ANK3: variants seen among roughly 807,000 people sequenced by gnomAD.
The protein encoded by ANK3 is ankyrin-3.
Under a neutral mutation model 370.9 loss-of-function variants are expected in ANK3, and 57 were observed. The observed-to-expected ratio is 0.15, with a 90% CI of 0.12 to 0.19. The LOEUF (loss-of-function observed/expected upper bound fraction) is 0.19. Among genes scored for constraint, ANK3 ranks in the 10% least tolerant of loss-of-function variants. The probability of loss-of-function intolerance (pLI) is 1.00; values close to 1 mark genes in which losing one functional copy is unlikely to be tolerated. For missense variants in ANK3, 4,439 were observed against 5,302.1 expected, an observed-to-expected ratio of 0.84 and a Z score of 5.06; for synonymous variants, 1,929 against 1,946.3, an observed-to-expected ratio of 0.99 and a Z score of 0.23.
At chr10:60,215,585 G>A (rs184135511) in intron 8 of ANK3, among the ~76,000 whole-genome samples, 81 of 152,082 alleles carry the variant, frequency 5.3e-4, no homozygotes, top group African/African-American at 1.6e-3. Flanking sequence ...ATGTCTAGCC[G>A]GTTTTCCCAG....
chr10:60,086,092 TA>T (rs1181082061), intron 30 of ANK3, among the ~76,000 whole-genome samples: 3 of 152,230 alleles, frequency 2.0e-5, no homozygotes, highest in African/African-American at 7.2e-5. Context: ...GAATTGCAGT[TA>T]AAAATCGGAC....
chr10:60,638,905 A>G (rs1017123122), intron 1 of ANK3, among the ~76,000 whole-genome samples: 1 of 150,188 alleles, frequency 6.7e-6, no homozygotes, highest in Admixed American at 6.7e-5. Context: ...AATATCAAGC[A>G]GTCTAACATG....
intron 2 of ANK3, among the ~76,000 whole-genome samples, chr10:60,561,418 CAAG>C (rs1288430174): frequency 6.6e-6 from 1 of 152,230 alleles, no homozygotes; most frequent in Non-Finnish European, 1.5e-5. Flanking sequence ...TGGTTTCCTG[CAAG>C]AAGTTTTAAA....
At chr10:60,207,103 G>A (rs754038607) in intron 10 of ANK3, among the ~76,000 whole-genome samples, 3 of 152,126 alleles carry the variant, frequency 2.0e-5, no homozygotes, top group Non-Finnish European at 4.4e-5. Context: ...AGACTGGGTG[G>A]GTCAACAGAC....
At chr10:60,212,269 G>A (rs535228813) in intron 9 of ANK3, among the ~76,000 whole-genome samples, 91 of 152,210 alleles carry the variant, frequency 6.0e-4, no homozygotes, top group African/African-American at 2.1e-3. Flanking sequence ...TTTTAAGCAG[G>A]AGGCTGACAT....
chr10:60,160,420 C>T (rs909717971), intron 23 of ANK3, among the ~76,000 whole-genome samples: 1 of 151,976 alleles, frequency 6.6e-6, no homozygotes, highest in Non-Finnish European at 1.5e-5. Flanking sequence ...TAAAAAGTCA[C>T]CCATTAAAGA....
intron 1 of ANK3, among the ~76,000 whole-genome samples, chr10:60,622,214 G>C (rs1212068344): frequency 1.3e-5 from 2 of 151,586 alleles, no homozygotes; most frequent in Admixed American, 6.6e-5. Context: ...TAAGTTTGTA[G>C]GTAGGTTAAC....
intron 1 of ANK3, among the ~76,000 whole-genome samples, chr10:60,283,713 C>A (rs546492978): frequency 6.6e-6 from 1 of 152,028 alleles, no homozygotes; most frequent in Admixed American, 6.6e-5. Flanking sequence ...AATCTAGTAA[C>A]TCAGCATCTT....
At chr10:60,404,229 AT>A (rs1176743409) in intron 2 of ANK3, among the ~76,000 whole-genome samples, 2 of 152,178 alleles carry the variant, frequency 1.3e-5, no homozygotes, top group African/African-American at 4.8e-5. Flanking sequence ...TTTTAAAAAA[AT>A]AGACAAACTT....
At chr10:60,087,282 C>T (rs11596260) in intron 29 of ANK3, among the ~76,000 whole-genome samples, 46,598 of 151,998 alleles carry the variant, frequency 0.31, 7,503 homozygotes, top group Non-Finnish European at 0.37. Flanking sequence ...ACATAAAAAC[C>T]GAGGCTTTCA....
At chr10:60,123,358 T>C (rs2093600457) in intron 25 of ANK3, among the ~76,000 whole-genome samples, 1 of 152,118 alleles carries the variant, frequency 6.6e-6, no homozygotes, top group Non-Finnish European at 1.5e-5. Context: ...TTTCCAAAAA[T>C]AGTTTCTCAC....
At chr10:60,201,581 C>A (rs1565640963) in intron 12 of ANK3, among the ~76,000 whole-genome samples, 2 of 152,140 alleles carry the variant, frequency 1.3e-5, no homozygotes. Context: ...ATGGTTCCTA[C>A]AGAGCAATGT....
chr10:60,294,541 T>A (rs995905184), intron 1 of ANK3, among the ~76,000 whole-genome samples: 3 of 152,182 alleles, frequency 2.0e-5, no homozygotes, highest in African/African-American at 4.8e-5. Context: ...GCTGATTTTT[T>A]AAAAAACAAA....
Position 60,200,246 on chromosome 10 carries a change from A to AG in ANK3, c.1393-20dup. On this transcript the variant is annotated intron_variant, in intron 12 of 43. Coordinates refer to ENST00000280772, the MANE Select transcript of ANK3 (RefSeq NM_020987.5). ...CTCCTCTCTGGGGAACATGAGCCAAAGTAAATTAGCTGCAGCTCTGAAGAA... is the reference window on the plus strand; with the variant it reads ...CTCCTCTCTGGGGAACATGAGCCAAAGGTAAATTAGCTGCAGCTCTGAAGAA... 4 of 1,592,396 alleles carry AG rather than the reference A, an allele frequency of 2.5e-6. No individual in the cohort carries two copies. Among genetic ancestry groups the AG allele is most frequent in the Non-Finnish European group, 3.4e-6 (4 of 1,160,236 alleles).
At chr10:60,644,842 AG>A (rs67786458) in intron 1 of ANK3, among the ~76,000 whole-genome samples, 12 of 148,744 alleles carry the variant, frequency 8.1e-5, no homozygotes, top group East Asian at 3.9e-4. Context: ...TTTAGTTAAA[AG>A]AAAAAAAAAG....
intron 1 of ANK3, among the ~76,000 whole-genome samples, chr10:60,698,168 C>A (rs1256018752): frequency 1.3e-5 from 2 of 151,580 alleles, no homozygotes; most frequent in African/African-American, 2.4e-5. Context: ...CCATCAGTGG[C>A]CATCAGAGAA....
At position 60,072,787 on chromosome 10, in the gene ANK3, G is replaced by C; in HGVS notation, c.8094C>G (p.Ser2698Arg). The C allele has an allele frequency of 6.2e-7, 1 of 1,614,130 alleles. No individual in the cohort carries two copies. Among genetic ancestry groups the C allele is most frequent in the Non-Finnish European group, 8.5e-7 (1 of 1,180,010 alleles). The change falls in exon 37 of 44, where the codon AGC becomes AGG. Residue 2698 changes from serine to arginine, a missense_variant. Around this residue, in one of 13 missense-constraint regions of ANK3, gnomAD observed 1,601 missense variants for 1,731.7 expected, o/e 0.92. Coordinates refer to ENST00000280772, the MANE Select transcript of ANK3 (RefSeq NM_020987.5). ...TVEAKGSISQ[S>R]KAPDGPQSGF... Reference sequence around the variant, plus strand: ...CAGACTGGGGCCCATCTGGTGCTTTGCTCTGTGAAATACTTCCTTTGGCTT... The same window carrying C: ...CAGACTGGGGCCCATCTGGTGCTTTCCTCTGTGAAATACTTCCTTTGGCTT...
intron 25 of ANK3, among the ~76,000 whole-genome samples, chr10:60,118,666 G>A (rs1247381003): frequency 2.2e-5 from 3 of 138,268 alleles, no homozygotes; most frequent in Non-Finnish European, 3.1e-5. Context: ...AATTTTTTTG[G>A]CATGAGTGGA....
chr10:60,364,001 A>G (rs1378330377), intron 1 of ANK3, among the ~76,000 whole-genome samples: 2 of 146,156 alleles, frequency 1.4e-5, no homozygotes, highest in Non-Finnish European at 3.0e-5. Flanking sequence ...TTTTAACTTT[A>G]AGAGAAAACA....
Sources: allele counts gnomAD v4.1 joint callset (sites outside exome capture counted in the v4.1 genomes callset), GRCh38; gene constraint gnomAD v4.1.1; regional missense constraint gnomAD v4.1.1; transcripts MANE v1.5; gene names NCBI Gene and HGNC (gene_info 2026-07-23, HGNC 2026-07-21).